NR2F1-AS1: variants seen among roughly 807,000 people sequenced by gnomAD.
The protein encoded by NR2F1-AS1 is NR2F1 antisense RNA 1.
chr5:93,461,831 T>G (rs1203421517), intron 4 of NR2F1-AS1, among the ~76,000 whole-genome samples: 2 of 152,184 alleles, frequency 1.3e-5, no homozygotes, highest in Non-Finnish European at 2.9e-5. Flanking sequence ...TCTATAATAA[T>G]TTTACTAGAC....
rs540964234 is a variant in NR2F1-AS1 at position 93,447,439 on chromosome 5, C to T, written n.639-51897G>A. Among the ~76,000 whole-genome samples, 6 of 152,206 alleles carry T rather than the reference C, an allele frequency of 3.9e-5. No individual in the cohort carries two copies. In the South Asian group the frequency reaches 8.3e-4, roughly 21 times the overall value. ...CAAAAGAAGACATTTATGCAGCCAA[C>T]AGACACATGAAAAAATGCTCATCAT... On this transcript the variant is annotated intron_variant and non_coding_transcript_variant, in intron 4 of 5. Coordinates refer to ENST00000660523, the Ensembl canonical transcript of NR2F1-AS1.
intron 4 of NR2F1-AS1, among the ~76,000 whole-genome samples, chr5:93,540,588 T>C (rs1376172440): frequency 6.6e-6 from 1 of 152,192 alleles, no homozygotes; most frequent in Admixed American, 6.5e-5. Flanking sequence ...ATAATGCAAA[T>C]AGATAGAGGT....
chr5:93,540,520 T>C (rs1751926571), intron 4 of NR2F1-AS1, among the ~76,000 whole-genome samples: 1 of 152,154 alleles, frequency 6.6e-6, no homozygotes, highest in Non-Finnish European at 1.5e-5. Context: ...CCAGCATCCA[T>C]TTACTTTTCT....
At chr5:93,550,289 C>T (rs1752194452) in intron 4 of NR2F1-AS1, among the ~76,000 whole-genome samples, 1 of 152,116 alleles carries the variant, frequency 6.6e-6, no homozygotes, top group Non-Finnish European at 1.5e-5. Flanking sequence ...AGTTGACCCC[C>T]TTCATTCGGT....
intron 1 of NR2F1-AS1, among the ~76,000 whole-genome samples, chr5:93,566,536 C>T (rs754501679): frequency 7.9e-5 from 12 of 152,014 alleles, no homozygotes; most frequent in Non-Finnish European, 1.6e-4. Context: ...ATGCAAAACG[C>T]TACCACTGCT....
chr5:93,581,728 CTCTCT>C (rs1753054304), upstream of NR2F1-AS1, among the ~76,000 whole-genome samples: 3 of 60,462 alleles, frequency 5.0e-5, no homozygotes, highest in South Asian at 9.2e-4. Context: ...CTCTCTCTCT[CTCTCT>C]CCCCCTCTCC....
At chr5:93,455,843 GCACACACA>G (rs148016646) in intron 4 of NR2F1-AS1, among the ~76,000 whole-genome samples, 2 of 145,786 alleles carry the variant, frequency 1.4e-5, no homozygotes, top group Admixed American at 6.9e-5. Context: ...ACACACACAC[GCACACACA>G]CACACACACA....
intron 4 of NR2F1-AS1, among the ~76,000 whole-genome samples, chr5:93,484,775 A>G (rs1044635968): frequency 1.4e-5 from 2 of 140,906 alleles, no homozygotes; most frequent in Non-Finnish European, 3.0e-5. Context: ...AGCAAATGGA[A>G]AGCAAAAAAA....
intron 4 of NR2F1-AS1, chr5:93,545,052 T>C (rs1179453802): frequency 6.6e-6 from 1 of 151,876 alleles, no homozygotes; most frequent in Non-Finnish European, 1.5e-5. Flanking sequence ...AAAGTATACA[T>C]GAAGAGATGG....
intron 4 of NR2F1-AS1, among the ~76,000 whole-genome samples, chr5:93,433,875 A>G (rs761486759): frequency 6.6e-6 from 1 of 152,098 alleles, no homozygotes; most frequent in Non-Finnish European, 1.5e-5. Flanking sequence ...AGTTGCACGT[A>G]TTTACTTTTA....
rs146113260 is a variant in NR2F1-AS1, at chr5:93,528,184, G to A, written n.638+25577C>T. Among the ~76,000 whole-genome samples, 357 of 152,144 alleles carry A rather than the reference G, an allele frequency of 2.3e-3. 1 individual carries two copies. The highest frequency in any genetic ancestry group is 2.0e-3 in the Non-Finnish European group (135 of 67,976). On this transcript the variant is annotated intron_variant and non_coding_transcript_variant, in intron 4 of 5. Coordinates refer to ENST00000660523, the Ensembl canonical transcript of NR2F1-AS1. ...AAACAAACAAGCCCATTAAAAAGTG[G>A]GCAAACGATATGAACAGACACTTCT...
intron 4 of NR2F1-AS1, among the ~76,000 whole-genome samples, chr5:93,477,844 G>A (rs1265582423): frequency 6.6e-6 from 1 of 152,156 alleles, no homozygotes; most frequent in African/African-American, 2.4e-5. Flanking sequence ...TGAATTTCCA[G>A]AATGAGTAAA....
chr5:93,494,190 G>A (rs1163681984), intron 4 of NR2F1-AS1, among the ~76,000 whole-genome samples: 1 of 152,136 alleles, frequency 6.6e-6, no homozygotes, highest in East Asian at 1.9e-4. Context: ...AATGGGCAAA[G>A]GAGCTGAATA....
At chr5:93,486,377 A>G (rs1304719457) in intron 4 of NR2F1-AS1, among the ~76,000 whole-genome samples, 1 of 151,880 alleles carries the variant, frequency 6.6e-6, no homozygotes, top group African/African-American at 2.4e-5. Flanking sequence ...AAGAGAGAAG[A>G]TCAAATATAC....
chr5:93,504,570 G>T (rs1751147428), intron 4 of NR2F1-AS1, among the ~76,000 whole-genome samples: 1 of 152,004 alleles, frequency 6.6e-6, no homozygotes, highest in Non-Finnish European at 1.5e-5. Flanking sequence ...AGAAGAAAAA[G>T]AATTGAAAGA....
intron 2 of NR2F1-AS1, among the ~76,000 whole-genome samples, chr5:93,555,570 T>C (rs924096175): frequency 1.3e-5 from 2 of 152,162 alleles, no homozygotes; most frequent in African/African-American, 2.4e-5. Context: ...GAAAGTGAAG[T>C]GATCATTAAA....
chr5:93,444,748 T>G (rs1749657537), intron 4 of NR2F1-AS1, among the ~76,000 whole-genome samples: 1 of 152,176 alleles, frequency 6.6e-6, no homozygotes. Context: ...AGAATATACA[T>G]TCTTCTCAGC....
intron 4 of NR2F1-AS1, among the ~76,000 whole-genome samples, chr5:93,458,508 A>C (rs1750003393): frequency 6.6e-6 from 1 of 152,202 alleles, no homozygotes; most frequent in Non-Finnish European, 1.5e-5. Flanking sequence ...ATATAATGAA[A>C]TTATATAAAA....
At chr5:93,430,507 G>A (rs1252338765) in intron 4 of NR2F1-AS1, among the ~76,000 whole-genome samples, 2 of 152,116 alleles carry the variant, frequency 1.3e-5, no homozygotes, top group East Asian at 1.9e-4. Flanking sequence ...CATTGGTGGT[G>A]AATGTGTATG....
Sources: allele counts gnomAD v4.1 joint callset (sites outside exome capture counted in the v4.1 genomes callset), GRCh38; gene constraint gnomAD v4.1.1; transcripts MANE v1.5; gene names NCBI Gene and HGNC (gene_info 2026-07-23, HGNC 2026-07-21).